The following CANX variants were observed in gnomAD, a reference collection of about 807,000 sequenced individuals.
The protein encoded by CANX is calnexin, also known as epididymis secretory sperm binding protein.
In CANX, 14 loss-of-function variants were observed where a neutral mutation model predicts 75.7. That is an observed-to-expected ratio of 0.19 (90% CI 0.12 to 0.29). The LOEUF (loss-of-function observed/expected upper bound fraction) is 0.29. Ranked by LOEUF, CANX falls within the 10% of genes least tolerant of loss-of-function variation. The pLI is 1.00. For missense variants in CANX, 567 were observed against 713.2 expected (o/e 0.79, Z 2.34); for synonymous variants, 227 against 236.9 (o/e 0.96, Z 0.38).
chr5:179,678,984 T>G (rs1348323300), intron 1 of CANX: 1 of 1,535,898 alleles, frequency 6.5e-7, no homozygotes, highest in South Asian at 1.2e-5. Context: ...TGGCGCGTGT[T>G]GTGGTCCAGC....
At chr5:179,692,965 T>C (rs1201011529) in intron 1 of CANX, among the ~76,000 whole-genome samples, 1 of 150,868 alleles carries the variant, frequency 6.6e-6, no homozygotes, top group East Asian at 2.0e-4. Flanking sequence ...GCCAAGAAGG[T>C]GAAACCCCAT....
intron 4 of CANX, 122 bp from the exon 5 acceptor site, chr5:179,708,117 T>A (rs1004122167): frequency 4.0e-6 from 3 of 743,986 alleles, no homozygotes; most frequent in Non-Finnish European, 6.9e-6. Context: ...GGATTATAGG[T>A]GTGAGCGACC....
chr5:179,678,683 G>T (rs1161453509), exon 1 of CANX: 8 of 1,536,100 alleles, frequency 5.2e-6, no homozygotes, highest in Non-Finnish European at 6.1e-6. Context: ...CGCAGCCGTC[G>T]GGATCACCTC....
Position 179,724,650 on chromosome 5 carries a change from A to G in CANX, c.1519-7A>G, listed in dbSNP as rs762039106. ...TAAACAAAATTGTACTTTGGGGAAC[A>G]TTTCAGAAACAGACCAGTGGTATGG... On this transcript the variant is annotated splice_region_variant and splice_polypyrimidine_tract_variant and intron_variant, in intron 12 of 14. Coordinates refer to ENST00000247461, the MANE Select transcript of CANX (RefSeq NM_001746.4). 2.5e-6 allele frequency: 4 copies of G among 1,610,896 alleles called. No individual in the cohort carries two copies. The highest frequency in any genetic ancestry group is 3.4e-6 in the Non-Finnish European group (4 of 1,178,528).
Position 179,731,640 on chromosome 5 carries a change from A to ATAAAACCTCATG in CANX, c.*2996_*2997insTAAAACCTCATG. Among the ~76,000 whole-genome samples, 1 of 152,180 alleles carries ATAAAACCTCATG rather than the reference A, an allele frequency of 6.6e-6. No individual in the cohort carries two copies. Among genetic ancestry groups the ATAAAACCTCATG allele is most frequent in the Non-Finnish European group, 1.5e-5 (1 of 68,034 alleles). Reference sequence around the variant, plus strand: ...ATAAAACCTCATGAGCCCTAGTAAAAAGCTAGAGTAACGAATGTTTGAACT... The same window carrying ATAAAACCTCATG: ...ATAAAACCTCATGAGCCCTAGTAAAATAAAACCTCATGAGCTAGAGTAACGAATGTTTGAACT... On this transcript the variant is annotated 3_prime_UTR_variant, in exon 15 of 15. Transcript: ENST00000247461.
In CANX at chr5:179,731,094, C is replaced by T. The variant is rs1291941963; in HGVS notation, c.*2450C>T. Among the ~76,000 whole-genome samples, 1 of 152,194 alleles carries T rather than the reference C, an allele frequency of 6.6e-6. No homozygotes were observed. Among genetic ancestry groups the T allele is most frequent in the African/African-American group, 2.4e-5 (1 of 41,442 alleles). On this transcript the variant is annotated 3_prime_UTR_variant, in exon 15 of 15. Coordinates refer to ENST00000247461, the MANE Select transcript of CANX (RefSeq NM_001746.4). ...TTTATCTCACCACGTGAGTTTGATGCAGTCTTTTCTGTCTAGCCCTTGCCT... is the reference window on the plus strand; with the variant it reads ...TTTATCTCACCACGTGAGTTTGATGTAGTCTTTTCTGTCTAGCCCTTGCCT...
In CANX at chr5:179,708,321, T is replaced by G. The variant is rs1777300041; in HGVS notation, c.387T>G (p.His129Gln). The change falls in exon 5 of 15, where the codon CAT (histidine) becomes CAG (glutamine). Residue 129 changes from histidine (H) to glutamine (Q), a missense_variant. Physicochemically the swap from His to Gln is conservative, Grantham distance 24. Transcript: ENST00000247461. ...TGTTGATGTCTCGGGCCAAGCATCA[T>G]GCCATCTCTGCTAAACTGAACAAGC... The part of the protein sequence containing the change: ...GLVLMSRAKH[H>Q]AISAKLNKPF... The G allele has an allele frequency of 6.2e-7, 1 of 1,613,966 alleles. No individual in the cohort carries two copies. The highest frequency in any genetic ancestry group is 8.5e-7 in the Non-Finnish European group (1 of 1,179,852).
chr5:179,715,228 G>A (rs1777854755), intron 7 of CANX, among the ~76,000 whole-genome samples: 1 of 152,142 alleles, frequency 6.6e-6, no homozygotes, highest in Non-Finnish European at 1.5e-5. Context: ...TCACACTTAA[G>A]ATGCTTTTAT....
At chr5:179,718,483 A>G (rs979152594) in intron 8 of CANX, among the ~76,000 whole-genome samples, 1 of 152,036 alleles carries the variant, frequency 6.6e-6, no homozygotes, top group Non-Finnish European at 1.5e-5. Flanking sequence ...TCAGCCTCCC[A>G]AAGTGCTGGG....
intron 10 of CANX, among the ~76,000 whole-genome samples, chr5:179,722,146 A>G (rs985969674): frequency 2.6e-5 from 4 of 152,206 alleles, no homozygotes; most frequent in African/African-American, 9.6e-5. Context: ...CCTGGCCAAC[A>G]TAGTGAAACA....
chr5:179,728,616 C>T lies in CANX; in HGVS notation c.1751C>T (p.Pro584Leu), dbSNP rs772663643. 1 of 1,606,866 alleles carries T rather than the reference C, an allele frequency of 6.2e-7. No homozygotes were observed. Residue 584 changes from proline to leucine, a missense_variant, in exon 15 of 15, where the codon CCA becomes CTA. Around this residue, in one of 3 missense-constraint regions of CANX, gnomAD observed 167 missense variants for 179.3 expected, o/e 0.93. Coordinates refer to ENST00000247461, the MANE Select transcript of CANX (RefSeq NM_001746.4). ...AEEDEILNRS[P>L]RNRKPRRE ...GAGGATGAAATTTTGAACAGATCAC[C>T]AAGAAACAGAAAGCCACGAAGAGAG... is the stretch of plus-strand genomic sequence containing the variant.
Position 179,720,470 on chromosome 5 carries a change from T to G in CANX, c.1092T>G (p.Pro364=), listed in dbSNP as rs754192461. 1.2e-6 allele frequency: 2 copies of G among 1,613,932 alleles called. No individual in the cohort carries two copies. Among genetic ancestry groups the G allele is most frequent in the Non-Finnish European group, 1.7e-6 (2 of 1,179,782 alleles). ...CCAACCCTAGATGTGAGTCAGCTCC[T>G]GGATGTGGTGTCTGGCAGCGACCTG... ...QIANPRCESA[P]GCGVWQRPVI... Residue 364 remains proline, a synonymous_variant, in exon 10 of 15, where the codon CCT becomes CCG. Coordinates refer to ENST00000247461, the MANE Select transcript of CANX (RefSeq NM_001746.4).
In CANX at chr5:179,726,792, C is replaced by G. The variant is rs756592633; in HGVS notation, c.1725+33C>G. 1.0e-5 allele frequency: 15 copies of G among 1,459,210 alleles called. No homozygotes were observed. In the Admixed American group the frequency reaches 2.5e-4, roughly 25 times the overall value. 90.4% of individuals were successfully genotyped at this position (1,459,210 alleles called of 1,614,324 possible). ...AAAGGGGTCACACATTTTGTTTTAC[C>G]AAGCTGAAGGTACATTTATGTAAAG... On this transcript the variant is annotated intron_variant, in intron 14 of 14. Transcript: ENST00000247461.
chr5:179,724,888 A>G (rs979778887), intron 13 of CANX, 105 bp downstream of exon 13: 5 of 1,441,012 alleles, frequency 3.5e-6, no homozygotes, highest in South Asian at 2.8e-5. Context: ...GTGGTGGCTC[A>G]AGCCTGTAAT....
At chr5:179,698,539 G>A, upstream of CANX, 2 of 1,289,446 alleles carry the variant, frequency 1.6e-6, no homozygotes, top group Non-Finnish European at 2.0e-6. Context: ...TTTGCCGGCT[G>A]CCGTTTGCCC....
chr5:179,706,120 C>A, intron 2 of CANX, 138 bp from the exon 3 acceptor site: 1 of 608,264 alleles, frequency 1.6e-6, no homozygotes. Context: ...TTGCTAGAGG[C>A]CAATTATATG....
At chr5:179,709,100 T>TA (rs1777347880) in intron 6 of CANX, 41 bp downstream of exon 6, 2 of 1,157,508 alleles carry the variant, frequency 1.7e-6, no homozygotes, top group South Asian at 2.4e-5. Flanking sequence ...GGACACCCAC[T>TA]ATTACCTTGT....
chr5:179,714,025 GTC>G (rs1035303332), intron 7 of CANX, among the ~76,000 whole-genome samples: 2 of 152,128 alleles, frequency 1.3e-5, no homozygotes, highest in East Asian at 1.9e-4. Context: ...TGAGATGGGA[GTC>G]TCTCTCTGTT....
rs528581685 is a variant in CANX at position 179,711,713 on chromosome 5, C to T, written c.721+1648C>T. On this transcript the variant is annotated intron_variant, in intron 7 of 14. Transcript: ENST00000247461. ...CTGAGGCAGGAGAATTGCTTGAACCCTGGAAGCGGAGGTTGCAGTGAGCCA... is the reference window on the plus strand; with the variant it reads ...CTGAGGCAGGAGAATTGCTTGAACCTTGGAAGCGGAGGTTGCAGTGAGCCA... 1.4e-4 allele frequency among the ~76,000 whole-genome samples: 21 copies of T among 150,436 alleles called. No homozygotes were observed. In the South Asian group the frequency reaches 1.9e-3, roughly 14 times the overall value.
Sources: gnomAD v4.1 joint callset for allele counts (sites outside exome capture counted in the v4.1 genomes callset) on GRCh38, gnomAD v4.1.1 for gene constraint, gnomAD v4.1.1 regional missense constraint, MANE v1.5 for transcripts, NCBI Gene and HGNC (gene_info 2026-07-23, HGNC 2026-07-21) for gene names.